The following GDPD5 variants were observed in gnomAD, a reference collection of about 807,000 sequenced individuals.
GDPD5 encodes the protein glycerophosphodiester phosphodiesterase 2.
A neutral mutation model predicts 75.1 loss-of-function variants in GDPD5; 48 were observed. The ratio of observed to expected loss-of-function variants is 0.64; its 90% CI spans 0.51 to 0.81. GDPD5 has a LOEUF of 0.81. Among genes scored for constraint, GDPD5 ranks in the 40% least tolerant of loss-of-function variants. The pLI, the probability that GDPD5 is intolerant of heterozygous loss-of-function variation, is 0.00. For synonymous variants in GDPD5, 336 were observed against 339.0 expected, an observed-to-expected ratio of 0.99 and a Z score of 0.10; for missense variants, 706 against 822.6, an observed-to-expected ratio of 0.86 and a Z score of 1.73.
intron 1 of GDPD5, among the ~76,000 whole-genome samples, chr11:75,493,179 G>C (rs925936618): frequency 6.6e-6 from 1 of 150,522 alleles, no homozygotes; most frequent in African/African-American, 2.4e-5. Context: ...TTGGCAAGAA[G>C]ACCCACCCCC....
chr11:75,477,585 TG>T, intron 3 of GDPD5, 33 bp downstream of exon 3: 1 of 1,410,646 alleles, frequency 7.1e-7, no homozygotes, highest in South Asian at 1.4e-5. Context: ...TGGGGCTCAC[TG>T]GGTCCCTCTG....
At chr11:75,507,965 G>A (rs774617827) in intron 1 of GDPD5, among the ~76,000 whole-genome samples, 11 of 150,730 alleles carry the variant, frequency 7.3e-5, no homozygotes, top group Non-Finnish European at 1.5e-4. Flanking sequence ...TCTATCAGTT[G>A]CTTTTTTTTT....
In GDPD5 at chr11:75,439,901, C is replaced by T. The variant is rs775977351; in HGVS notation, c.1534G>A (p.Val512Met). The T allele has an allele frequency of 1.1e-5, 17 of 1,613,774 alleles. No homozygotes were observed. The highest frequency in any genetic ancestry group is 1.7e-5 in the Admixed American group (1 of 59,980). ...TADLVSFTLIVGIFVLQKWRL... is the reference protein window; with the variant it reads ...TADLVSFTLIMGIFVLQKWRL... ...CACTTCTGGAGCACGAAGATGCCCA[C>T]GATGAGGGTGAAGGAGACCAGGTCG... Residue 512 changes from valine to methionine, a missense_variant, in exon 15 of 17, where the codon GTG (valine) becomes ATG (methionine). Physicochemically the swap from Val to Met is conservative, Grantham distance 21 (BLOSUM62 1). Transcript: ENST00000336898.
chr11:75,498,237 G>A (rs1393515985), intron 1 of GDPD5, among the ~76,000 whole-genome samples: 2 of 152,230 alleles, frequency 1.3e-5, no homozygotes, highest in African/African-American at 4.8e-5. Flanking sequence ...GTGAAAGTGA[G>A]AGTCACATAG....
At chr11:75,460,879 T>C (rs1050369370) in intron 4 of GDPD5, among the ~76,000 whole-genome samples, 3 of 151,704 alleles carry the variant, frequency 2.0e-5, no homozygotes, top group Non-Finnish European at 4.4e-5. Context: ...AGGCCTCCCC[T>C]TGCCACCACC....
At chr11:75,475,901 C>T (rs1273501949) in intron 3 of GDPD5, among the ~76,000 whole-genome samples, 2 of 152,234 alleles carry the variant, frequency 1.3e-5, no homozygotes, top group Non-Finnish European at 2.9e-5. Flanking sequence ...CAGCTCAAAA[C>T]CAGCCTCAGC....
intron 3 of GDPD5, among the ~76,000 whole-genome samples, chr11:75,470,932 C>A (rs995334808): frequency 6.6e-6 from 1 of 152,210 alleles, no homozygotes; most frequent in Admixed American, 6.5e-5. Flanking sequence ...GCGGGCTCTG[C>A]CTGGCACAGC....
intron 2 of GDPD5, among the ~76,000 whole-genome samples, chr11:75,483,928 T>C (rs903399465): frequency 6.6e-6 from 1 of 152,212 alleles, no homozygotes; most frequent in Admixed American, 6.5e-5. Flanking sequence ...GGCTCACACC[T>C]GTAATCCCAG....
chr11:75,484,942 C>T (rs952547218), intron 2 of GDPD5, among the ~76,000 whole-genome samples: 1 of 152,160 alleles, frequency 6.6e-6, no homozygotes, highest in Non-Finnish European at 1.5e-5. Context: ...AGATTGCAAA[C>T]ATGGGCCTGA....
intron 4 of GDPD5, among the ~76,000 whole-genome samples, chr11:75,459,440 A>G (rs1332147791): frequency 6.6e-6 from 1 of 151,072 alleles, no homozygotes; most frequent in African/African-American, 2.4e-5. Context: ...AGTACCTGGG[A>G]CTATAGGCAC....
chr11:75,466,576 C>A (rs1949521467), intron 3 of GDPD5, among the ~76,000 whole-genome samples: 1 of 152,196 alleles, frequency 6.6e-6, no homozygotes, highest in Non-Finnish European at 1.5e-5. Context: ...GGCCCTCCTT[C>A]ATCTCTCACA....
intron 1 of GDPD5, among the ~76,000 whole-genome samples, chr11:75,508,704 G>A (rs1260247905): frequency 5.3e-5 from 8 of 152,178 alleles, no homozygotes; most frequent in Non-Finnish European, 8.8e-5. Flanking sequence ...TGGCCCCCAT[G>A]CCAATCTAAG....
At chr11:75,504,245 C>A (rs1473830841) in intron 1 of GDPD5, among the ~76,000 whole-genome samples, 1 of 152,204 alleles carries the variant, frequency 6.6e-6, no homozygotes, top group Non-Finnish European at 1.5e-5. Context: ...CTGCTGTACG[C>A]CAAGCATTTC....
chr11:75,511,186 C>T (rs183378554), intron 1 of GDPD5, among the ~76,000 whole-genome samples: 2 of 152,218 alleles, frequency 1.3e-5, no homozygotes, highest in African/African-American at 4.8e-5. Context: ...GAAGTTCCAC[C>T]ATTATCACTG....
chr11:75,459,655 A>G (rs1260965225), intron 4 of GDPD5, among the ~76,000 whole-genome samples: 1 of 152,070 alleles, frequency 6.6e-6, no homozygotes, highest in East Asian at 1.9e-4. Flanking sequence ...CTAAAAATAC[A>G]AAAAATTAGC....
At chr11:75,499,934 G>T (rs1256421441) in intron 1 of GDPD5, among the ~76,000 whole-genome samples, 1 of 152,194 alleles carries the variant, frequency 6.6e-6, no homozygotes, top group Non-Finnish European at 1.5e-5. Context: ...CTGAGCTAGT[G>T]GAGCTTCTGC....
rs768643996 is a variant in GDPD5, at chr11:75,449,536, G to T, written c.549C>A (p.Phe183Leu). Residue 183 changes from phenylalanine (F) to leucine (L), a missense_variant, in exon 8 of 17, where the codon TTC becomes TTA. Transcript: ENST00000336898. The stretch of plus-strand genomic sequence containing the variant: ...ACTCACAGGTCCGCTCTGCGCGGGC[G>T]AACTGTCCTGCCACGATCCAGGAGA... The part of the protein sequence containing the change: ...TMLSWIVAGQ[F>L]ARAERTSSQV... 6.3e-6 allele frequency: 10 copies of T among 1,580,148 alleles called. No homozygotes were observed. Among genetic ancestry groups the T allele is most frequent in the Middle Eastern group, 1.7e-4 (1 of 6,048 alleles).
chr11:75,458,185 C>A (rs977570623), intron 4 of GDPD5, among the ~76,000 whole-genome samples: 2 of 152,224 alleles, frequency 1.3e-5, no homozygotes, highest in Non-Finnish European at 2.9e-5. Flanking sequence ...TTCACATCCC[C>A]TCTCGTCTCT....
intron 1 of GDPD5, among the ~76,000 whole-genome samples, chr11:75,503,016 ATG>A (rs1950325479): frequency 6.6e-6 from 1 of 152,128 alleles, no homozygotes; most frequent in African/African-American, 2.4e-5. Flanking sequence ...CTGTGAGATA[ATG>A]ATTGTTCTTT....
Sources: allele counts gnomAD v4.1 joint callset (sites outside exome capture counted in the v4.1 genomes callset), GRCh38; gene constraint gnomAD v4.1.1; transcripts MANE v1.5; gene names NCBI Gene and HGNC (gene_info 2026-07-23, HGNC 2026-07-21).